The following CAST variants were observed in gnomAD, a reference collection of about 807,000 sequenced individuals.
The protein encoded by CAST is calpastatin.
CAST carries 76 observed loss-of-function variants against 119.6 expected under a neutral mutation model. That is an observed-to-expected ratio of 0.64 (90% CI 0.53 to 0.77). The LOEUF is 0.77. Ranked by LOEUF, CAST falls within the 30% of genes least tolerant of loss-of-function variation. The pLI, the probability that CAST is intolerant of heterozygous loss-of-function variation, is 0.00. For missense variants in CAST, 953 were observed against 946.5 expected (o/e 1.01, Z -0.09); for synonymous variants, 319 against 331.6 (o/e 0.96, Z 0.41).
At chr5:96,662,524 G>A (rs1273867365) in intron 1 of CAST, 27 bp downstream of exon 1, 2 of 1,350,750 alleles carry the variant, frequency 1.5e-6, no homozygotes, top group Non-Finnish European at 1.9e-6. Context: ...TCGGCGTCGC[G>A]GGGCTGGGCG....
chr5:96,034,881 C>G, the CAST span, among the ~76,000 whole-genome samples: 1 of 150,984 alleles, frequency 6.6e-6, no homozygotes, highest in Non-Finnish European at 1.5e-5. Flanking sequence ...TCTTTCTATG[C>G]CTGGCTTAAT....
chr5:95,995,206 C>G, the CAST span, among the ~76,000 whole-genome samples: 1 of 151,768 alleles, frequency 6.6e-6, no homozygotes, highest in South Asian at 2.1e-4. Context: ...TAACTGCTGA[C>G]ATTTTTATAA....
chr5:96,588,398 C>T (rs752559870), intron 1 of CAST, among the ~76,000 whole-genome samples: 1 of 151,922 alleles, frequency 6.6e-6, no homozygotes, highest in Non-Finnish European at 1.5e-5. Flanking sequence ...GATGGGGCTT[C>T]ACCATGTTGG....
the CAST span, among the ~76,000 whole-genome samples, chr5:95,990,447 T>A: frequency 1.3e-5 from 2 of 151,984 alleles, no homozygotes; most frequent in African/African-American, 4.8e-5. Context: ...GGTTTGTTTT[T>A]ATAATATTAA....
the CAST span, among the ~76,000 whole-genome samples, chr5:96,233,063 G>T: frequency 4.6e-5 from 7 of 151,994 alleles, no homozygotes; most frequent in African/African-American, 1.2e-4. Context: ...TTAACTGTGG[G>T]TTATTACTAT....
At chr5:96,751,102 C>CA (rs1283136026) in intron 20 of CAST, among the ~76,000 whole-genome samples, 1 of 152,128 alleles carries the variant, frequency 6.6e-6, no homozygotes, top group East Asian at 1.9e-4. Context: ...GAAACTGACT[C>CA]AATTTCTTTC....
chr5:96,308,340 G>C, the CAST span, among the ~76,000 whole-genome samples: 1 of 151,784 alleles, frequency 6.6e-6, no homozygotes, highest in Non-Finnish European at 1.5e-5. Flanking sequence ...GGTTATTCTA[G>C]TTAGCAATAC....
chr5:96,175,543 T>C, the CAST span, among the ~76,000 whole-genome samples: 1 of 152,168 alleles, frequency 6.6e-6, no homozygotes, highest in Non-Finnish European at 1.5e-5. Flanking sequence ...CTCAAAGAGA[T>C]AGACATGTAA....
At position 96,656,037 on chromosome 5, in the gene CAST, G is replaced by A. The variant is rs529201074; in HGVS notation, c.61-19502G>A. ...TGTTTTGGATTTGTTTCCACTTTGTGTTTACAGATGAATAAAACATAGTTC... is the reference window on the plus strand; with the variant it reads ...TGTTTTGGATTTGTTTCCACTTTGTATTTACAGATGAATAAAACATAGTTC... On this transcript the variant is annotated intron_variant, in intron 1 of 11. Transcript: ENST00000505143. Among the ~76,000 whole-genome samples the A allele has an allele frequency of 2.0e-5, 3 of 152,256 alleles. No individual in the cohort carries two copies. In the South Asian group the frequency reaches 6.2e-4, roughly 32 times the overall value.
upstream of CAST, among the ~76,000 whole-genome samples, chr5:96,520,839 AGACCCT>A (rs1243573705): frequency 6.6e-6 from 1 of 152,208 alleles, no homozygotes; most frequent in Non-Finnish European, 1.5e-5. Flanking sequence ...GCACCATTCC[AGACCCT>A]GAATGGAGCA....
At chr5:96,541,714 C>A (rs1745916727) in intron 1 of CAST, among the ~76,000 whole-genome samples, 2 of 152,188 alleles carry the variant, frequency 1.3e-5, no homozygotes, top group Non-Finnish European at 2.9e-5. Context: ...ATTGAAATTA[C>A]ACAGTATATA....
chr5:96,481,251 T>C, the CAST span, among the ~76,000 whole-genome samples: 2 of 152,136 alleles, frequency 1.3e-5, no homozygotes, highest in Non-Finnish European at 2.9e-5. Context: ...CTTTGCATAC[T>C]GACTGTGAAT....
chr5:96,054,129 T>C, the CAST span, among the ~76,000 whole-genome samples: 1 of 152,214 alleles, frequency 6.6e-6, no homozygotes, highest in African/African-American at 2.4e-5. Flanking sequence ...ATTGTTGTTT[T>C]ATTATTGCTG....
chr5:96,287,499 G>T, the CAST span, among the ~76,000 whole-genome samples: 2 of 152,038 alleles, frequency 1.3e-5, no homozygotes, highest in East Asian at 1.9e-4. Flanking sequence ...GATGTGAAAT[G>T]AACCCATAAA....
chr5:96,005,289 G>A, the CAST span, among the ~76,000 whole-genome samples: 4 of 152,264 alleles, frequency 2.6e-5, no homozygotes, highest in East Asian at 5.8e-4. Flanking sequence ...CAGTCCTAGA[G>A]AGCCTACCAG....
chr5:96,077,181 T>G, the CAST span, among the ~76,000 whole-genome samples: 1 of 152,050 alleles, frequency 6.6e-6, no homozygotes, highest in Non-Finnish European at 1.5e-5. Flanking sequence ...ATAAATAACA[T>G]TATATTGACA....
chr5:96,207,720 TG>T, the CAST span, among the ~76,000 whole-genome samples: 1 of 152,126 alleles, frequency 6.6e-6, no homozygotes, highest in South Asian at 2.1e-4. Flanking sequence ...TGAGGATTTT[TG>T]CATCTATGTT....
the CAST span, among the ~76,000 whole-genome samples, chr5:96,345,355 G>A: frequency 6.6e-6 from 1 of 152,006 alleles, no homozygotes; most frequent in Non-Finnish European, 1.5e-5. Flanking sequence ...CTATTTTACT[G>A]ATACAAATCT....
intron 1 of CAST, among the ~76,000 whole-genome samples, chr5:96,539,467 A>G (rs565907290): frequency 2.0e-5 from 3 of 152,180 alleles, no homozygotes; most frequent in East Asian, 1.9e-4. Flanking sequence ...CTTCCTTTCA[A>G]CTCATGTTTC....
Sources: allele counts gnomAD v4.1 joint callset (sites outside exome capture counted in the v4.1 genomes callset), GRCh38; gene constraint gnomAD v4.1.1; transcripts MANE v1.5; gene names NCBI Gene and HGNC (gene_info 2026-07-23, HGNC 2026-07-21).